Variants in WDR35 observed in about 807,000 individuals in gnomAD.
WDR35 encodes the protein WD repeat domain 35.
Under a neutral mutation model 158.3 loss-of-function variants are expected in WDR35, and 118 were observed. The observed-to-expected ratio is 0.75, with a 90% CI of 0.64 to 0.87. WDR35 has a LOEUF of 0.87. WDR35 is among the 40% of genes least tolerant of loss of function. The pLI, the probability that WDR35 is intolerant of heterozygous loss-of-function variation, is 0.00. For synonymous variants in WDR35, 448 were observed against 476.1 expected (o/e 0.94, Z 0.77); for missense variants, 1,263 against 1,405.8 (o/e 0.90, Z 1.62).
In WDR35 at chr2:19,914,052, T is replaced by C; in HGVS notation, c.3347A>G (p.Asp1116Gly). 6.2e-7 allele frequency: 1 copy of C among 1,614,148 alleles called. No individual in the cohort carries two copies. The highest frequency in any genetic ancestry group is 8.5e-7 in the Non-Finnish European group (1 of 1,179,990). ...ATTAGCCTACCCTTCCATAAGGCTGTCCAATTCAGGTTTTCTGTTATCTTT... is the reference window on the plus strand; with the variant it reads ...ATTAGCCTACCCTTCCATAAGGCTGCCCAATTCAGGTTTTCTGTTATCTTT... ...TSKDNRKPEL[D>G]SLMEGGEGKL... The change falls in exon 26 of 27, where the codon GAC becomes GGC. Residue 1116 changes from aspartate to glycine, a missense_variant. By Grantham distance (94) the Asp-to-Gly change is moderately conservative (BLOSUM62 -1). Coordinates refer to ENST00000281405, the MANE Select transcript of WDR35 (RefSeq NM_020779.4).
At chr2:19,941,928 T>A (rs533713563) in intron 16 of WDR35, 89 bp from the exon 17 acceptor site, 1 of 982,828 alleles carries the variant, frequency 1.0e-6, no homozygotes, top group African/African-American at 1.6e-5. Context: ...TATCAGAGTT[T>A]TCAGGTAAAC....
rs1670609048 is a variant in WDR35, at chr2:19,934,023, G to C, written c.2548-512C>G. 8.4e-6 allele frequency among the ~76,000 whole-genome samples: 1 copy of C among 118,530 alleles called. No individual in the cohort carries two copies. The highest frequency in any genetic ancestry group is 1.7e-5 in the Non-Finnish European group (1 of 59,118). 77.8% of individuals were successfully genotyped at this position (118,530 alleles called of 152,430 possible). A position where few individuals can be genotyped will look rare whatever the true frequency, so the allele number is the denominator to read the frequency against. On this transcript the variant is annotated intron_variant, in intron 21 of 26. Transcript: ENST00000281405. The surrounding 1 kb of genome is among the most constrained non-coding windows in gnomAD (Gnocchi z 4.6). ...CTTGGAAAGTGGTGGCAGCGAGGAA[G>C]AACCACCACCACCACCACCACCACC...
At chr2:19,925,124 G>A (rs914868266) in intron 25 of WDR35, among the ~76,000 whole-genome samples, 3 of 152,172 alleles carry the variant, frequency 2.0e-5, no homozygotes, top group African/African-American at 4.8e-5. Context: ...ACAAAACTGT[G>A]AGCCTTCTGC....
At chr2:19,974,187 G>A (rs1362952873) in intron 7 of WDR35, among the ~76,000 whole-genome samples, 1 of 152,030 alleles carries the variant, frequency 6.6e-6, no homozygotes, top group African/African-American at 2.4e-5. Flanking sequence ...GAGGCAGGTG[G>A]ATCACGAGGT....
At chr2:19,915,028 T>C (rs1308196011) in intron 25 of WDR35, among the ~76,000 whole-genome samples, 1 of 152,034 alleles carries the variant, frequency 6.6e-6, no homozygotes. Context: ...GGCACATGTA[T>C]ACCTATGTAA....
At chr2:19,977,740 T>C (rs1219106615) in intron 5 of WDR35, among the ~76,000 whole-genome samples, 1 of 152,218 alleles carries the variant, frequency 6.6e-6, no homozygotes, top group East Asian at 1.9e-4. Context: ...TAATATAACT[T>C]ATGATCTGCA....
In WDR35 at chr2:19,989,214, G is replaced by T. The variant is rs762977943; in HGVS notation, c.93C>A (p.Cys31Ter). 1 of 1,614,134 alleles carries T rather than the reference G, an allele frequency of 6.2e-7. No individual in the cohort carries two copies. Among genetic ancestry groups the T allele is most frequent in the Admixed American group, 1.7e-5 (1 of 60,014 alleles). The change falls in exon 2 of 27, where the codon TGC (cysteine) becomes TGA (stop). Residue 31 changes from cysteine (C) to a stop codon, truncating the protein, a stop_gained. Transcript: ENST00000281405. LOFTEE classifies it high-confidence loss of function. ...SWNKEQGFIA[C>*]GGEDGLLKVL... is the part of the protein sequence containing the mutation. ...CTTTCAGTAATCCATCTTCACCACC[G>T]CATGCTATGAACCCTTGTTCCTTGT... is the stretch of plus-strand genomic sequence containing the variant.
chr2:19,989,371 C>T (rs1444997810), intron 1 of WDR35, 89 bp from the exon 2 acceptor site: 1 of 1,255,646 alleles, frequency 8.0e-7, no homozygotes, highest in African/African-American at 1.5e-5. Context: ...AGAAAATCTT[C>T]CAAGAAGAAA....
intron 8 of WDR35, among the ~76,000 whole-genome samples, chr2:19,970,373 T>G (rs1463665092): frequency 6.6e-6 from 1 of 152,218 alleles, no homozygotes; most frequent in Admixed American, 6.5e-5. Context: ...CTGCTTTTAC[T>G]CCTTTCCACT....
intron 25 of WDR35, among the ~76,000 whole-genome samples, chr2:19,914,874 T>C (rs934311155): frequency 6.6e-6 from 1 of 152,040 alleles, no homozygotes; most frequent in African/African-American, 2.4e-5. Flanking sequence ...AACATCTTAT[T>C]TGCAATTATA....
In WDR35 at chr2:19,933,384, A is replaced by G. The variant is rs1670586043; in HGVS notation, c.2658+17T>C. 1 of 1,600,416 alleles carries G rather than the reference A, an allele frequency of 6.2e-7. No homozygotes were observed. Among genetic ancestry groups the G allele is most frequent in the African/African-American group, 1.3e-5 (1 of 74,600 alleles). ...CTAAGACAATAAGCTGCACAGACAG[A>G]AAGTTTCAGTTCCTACTTGGTTGAG... On this transcript the variant is annotated intron_variant, in intron 22 of 26. Transcript: ENST00000281405.
At chr2:19,928,382 C>T (rs1056150548) in intron 25 of WDR35, among the ~76,000 whole-genome samples, 20 of 152,148 alleles carry the variant, frequency 1.3e-4, no homozygotes, top group African/African-American at 4.3e-4. Flanking sequence ...AATCTCTGTT[C>T]GGGGCTCTCA....
intron 5 of WDR35, among the ~76,000 whole-genome samples, chr2:19,978,030 C>T (rs887146071): frequency 6.6e-6 from 1 of 152,138 alleles, no homozygotes; most frequent in Non-Finnish European, 1.5e-5. Context: ...GTATTTTCCC[C>T]ATCTTAGCGC....
chr2:19,982,638 A>G, intron 2 of WDR35, 104 bp from the exon 3 acceptor site: 1 of 1,137,900 alleles, frequency 8.8e-7, no homozygotes, highest in Non-Finnish European at 1.3e-6. Flanking sequence ...CATTTTTCTA[A>G]GTATGCCCCA....
chr2:19,928,941 G>T (rs1670443734), intron 25 of WDR35, among the ~76,000 whole-genome samples: 1 of 152,020 alleles, frequency 6.6e-6, no homozygotes, highest in Non-Finnish European at 1.5e-5. Flanking sequence ...CAAGTAGCTG[G>T]GACTACAGGC....
intron 25 of WDR35, among the ~76,000 whole-genome samples, chr2:19,924,600 A>G (rs544292388): frequency 6.6e-6 from 1 of 152,298 alleles, no homozygotes; most frequent in East Asian, 1.9e-4. Flanking sequence ...GCTGCTCAGG[A>G]TATAGTGCTG....
chr2:19,973,865 T>G (rs1287944768), intron 7 of WDR35, among the ~76,000 whole-genome samples, 157 bp from the exon 8 acceptor site: 2 of 152,250 alleles, frequency 1.3e-5, no homozygotes, highest in African/African-American at 2.4e-5. Flanking sequence ...CCCAACACTT[T>G]AGGAGGCTGA....
intron 11 of WDR35, among the ~76,000 whole-genome samples, chr2:19,955,773 G>A (rs13406648): frequency 0.11 from 17,348 of 152,196 alleles, 1,407 homozygotes; most frequent in African/African-American, 0.25. Flanking sequence ...GGACATTTGA[G>A]GCAGCAAGAG....
chr2:19,975,707 C>A, intron 5 of WDR35, 44 bp from the exon 6 acceptor site: 2 of 1,613,054 alleles, frequency 1.2e-6, no homozygotes, highest in African/African-American at 2.7e-5. Flanking sequence ...TCATGATCCT[C>A]CAACAACGGC....
Sources: gnomAD v4.1 joint callset for allele counts (sites outside exome capture counted in the v4.1 genomes callset) on GRCh38, gnomAD v4.1.1 for gene constraint, Gnocchi (gnomAD v3.1) non-coding constraint, MANE v1.5 for transcripts, NCBI Gene and HGNC (gene_info 2026-07-23, HGNC 2026-07-21) for gene names.